RPS25: variants seen among roughly 807,000 people sequenced by gnomAD.
The protein encoded by RPS25 is ribosomal protein S25.
In RPS25, 1 loss-of-function variant was observed where a neutral mutation model predicts 14.4. The observed-to-expected ratio is 0.07, with a 90% CI of 0.02 to 0.33. The LOEUF is 0.33. Among genes scored for constraint, RPS25 ranks in the 10% least tolerant of loss-of-function variants. The pLI, the probability that RPS25 is intolerant of heterozygous loss-of-function variation, is 1.00. For synonymous variants in RPS25, 63 were observed against 53.8 expected, an observed-to-expected ratio of 1.17 and a Z score of -0.75; for missense variants, 65 against 144.6, an observed-to-expected ratio of 0.45 and a Z score of 2.82.
At chr11:119,016,257 A>T (rs1368018271) in intron 3 of RPS25, among the ~76,000 whole-genome samples, 1 of 152,070 alleles carries the variant, frequency 6.6e-6, no homozygotes, top group Non-Finnish European at 1.5e-5. Flanking sequence ...CCGCACTCCA[A>T]CCTGGGCAAC....
rs900768911 is a variant in RPS25 at position 119,015,762 on chromosome 11, T to TA, written c.*5-5dup. ...CCAAATGTACAGCTGGTTGGACCTG[T>TA]AAAAAAAAATTAAAAGAATCAGAAC... On this transcript the variant is annotated splice_polypyrimidine_tract_variant and splice_region_variant and intron_variant, in intron 4 of 4. Transcript: ENST00000527673. 1,008 of 1,262,656 alleles carry TA rather than the reference T, an allele frequency of 8.0e-4. 1 individual carries two copies. The highest frequency in any genetic ancestry group is 2.3e-3 in the South Asian group (180 of 78,748). The allele number at this position is 1,262,656 out of a possible 1,614,324, so 78.2% of individuals were successfully genotyped here.
chr11:119,016,341 G>A (rs1025530388), intron 3 of RPS25, among the ~76,000 whole-genome samples: 1 of 152,090 alleles, frequency 6.6e-6, no homozygotes. Flanking sequence ...ACTTTGGACA[G>A]GTGGATCTCT....
At chr11:119,018,175 C>T (rs1943212729) in intron 1 of RPS25, 107 bp downstream of exon 1, 23 of 1,583,228 alleles carry the variant, frequency 1.5e-5, no homozygotes, top group Non-Finnish European at 2.0e-5. Flanking sequence ...TAACCGCGCC[C>T]GCCCTGCAAC....
intron 3 of RPS25, among the ~76,000 whole-genome samples, chr11:119,016,567 G>T (rs576474092): frequency 1.1e-4 from 17 of 151,478 alleles, no homozygotes; most frequent in African/African-American, 4.1e-4. Context: ...TTCGGTAACC[G>T]AGAATCCTAG....
In RPS25 at chr11:119,015,773, T is replaced by C. The variant is rs992496073; in HGVS notation, c.*5-15A>G. 7.5e-6 allele frequency: 10 copies of C among 1,326,134 alleles called. No individual in the cohort carries two copies. The highest frequency in any genetic ancestry group is 3.9e-5 in the Admixed American group (2 of 51,072). The allele number at this position is 1,326,134 out of a possible 1,614,324, so 82.1% of individuals were successfully genotyped here. ...GCTGGTTGGACCTGTAAAAAAAAAT[T>C]AAAAGAATCAGAACCATAAAGCTTT... On this transcript the variant is annotated splice_polypyrimidine_tract_variant and intron_variant, in intron 4 of 4. Coordinates refer to ENST00000527673, the MANE Select transcript of RPS25 (RefSeq NM_001028.3).
chr11:119,016,307 G>C (rs1943154711), intron 3 of RPS25, among the ~76,000 whole-genome samples: 1 of 152,166 alleles, frequency 6.6e-6, no homozygotes. Flanking sequence ...GCCGGGTGCA[G>C]AGGCTCATGC....
chr11:119,015,805 A>G (rs920434572), intron 4 of RPS25, 36 bp downstream of exon 4: 11 of 1,409,114 alleles, frequency 7.8e-6, no homozygotes, highest in Non-Finnish European at 1.1e-5. Context: ...CTTTGTATCT[A>G]CCTCCTACAC....
chr11:119,018,324 T>C lies in RPS25; in HGVS notation c.-40A>G, dbSNP rs11820851. On this transcript the variant is annotated 5_prime_UTR_variant, in exon 1 of 5. Transcript: ENST00000527673. Reference sequence around the variant, plus strand: ...AATAGCAGCAGACACCGCAGCCTCGTCAAGATGTCGGACAAAAAGGAAGCG... The same window carrying C: ...AATAGCAGCAGACACCGCAGCCTCGCCAAGATGTCGGACAAAAAGGAAGCG... 2,771 of 1,614,006 alleles carry C rather than the reference T, an allele frequency of 1.7e-3. 45 individuals are homozygous for C. In the African/African-American group the frequency reaches 0.032, roughly 18 times the overall value.
In RPS25 at chr11:119,017,559, C is replaced by T. The variant is rs534688666; in HGVS notation, c.100-14G>A. ...TTTGGACCACTTCTGCTCACCAAAACAAAACAGAAACAAGTTAGTATTTCT... is the reference window on the plus strand; with the variant it reads ...TTTGGACCACTTCTGCTCACCAAAATAAAACAGAAACAAGTTAGTATTTCT... On this transcript the variant is annotated splice_polypyrimidine_tract_variant and intron_variant, in intron 2 of 4. Transcript: ENST00000527673. The T allele has an allele frequency of 8.0e-5, 129 of 1,608,522 alleles. No individual in the cohort carries two copies. The East Asian group carries it at 2.6e-3, about 33-fold the overall frequency.
At chr11:119,017,258 C>CT (rs368289484) in intron 3 of RPS25, 104 bp downstream of exon 3, 11,407 of 685,146 alleles carry the variant, frequency 0.017, 3 homozygotes, top group Middle Eastern at 0.023. Flanking sequence ...TCAAGCCACG[C>CT]TTTTTTTTTT....
Position 119,017,229 on chromosome 11 carries a change from C to T in RPS25, c.283+133G>A, listed in dbSNP as rs192293963. ...GATCAGGAGTAAGACGTCAGAATTA[C>T]ATTACTAACAGCCAATGGTCAAGCC... is the stretch of plus-strand genomic sequence containing the variant. On this transcript the variant is annotated intron_variant, in intron 3 of 4. Transcript: ENST00000527673. 527 of 638,376 alleles carry T rather than the reference C, an allele frequency of 8.3e-4. 2 individuals carry two copies. Among genetic ancestry groups the T allele is most frequent in the Middle Eastern group, 6.1e-3 (23 of 3,754 alleles). The allele number at this position is 638,376 out of a possible 1,614,324, so 39.5% of individuals were successfully genotyped here.
intron 3 of RPS25, among the ~76,000 whole-genome samples, chr11:119,016,824 A>G (rs1943171115): frequency 6.6e-6 from 1 of 151,750 alleles, no homozygotes; most frequent in South Asian, 2.1e-4. Flanking sequence ...TTTTCACCAT[A>G]TTGGCCAGGC....
At chr11:119,018,216 C>G in intron 1 of RPS25, 66 bp downstream of exon 1, 1 of 1,612,402 alleles carries the variant, frequency 6.2e-7, no homozygotes, top group Non-Finnish European at 8.5e-7. Context: ...GCGCTCCCGC[C>G]GAAGGCTCTC....
At chr11:119,018,083 G>C in intron 1 of RPS25, 30 bp from the exon 2 acceptor site, 1 of 1,602,938 alleles carries the variant, frequency 6.2e-7, no homozygotes, top group Non-Finnish European at 8.5e-7. Context: ...ATGCAACCAG[G>C]TCCTCAAATA....
At chr11:119,017,697 GT>G in intron 2 of RPS25, 152 bp from the exon 3 acceptor site, 2 of 806,278 alleles carry the variant, frequency 2.5e-6, no homozygotes, top group Non-Finnish European at 3.9e-6. Flanking sequence ...ACACCGACAC[GT>G]TTTTGGCCTT....
chr11:119,018,222 C>T, intron 1 of RPS25, 60 bp downstream of exon 1: 1 of 1,613,022 alleles, frequency 6.2e-7, no homozygotes, highest in Non-Finnish European at 8.5e-7. Flanking sequence ...CCGCCGAAGG[C>T]TCTCCCCACT....
At chr11:119,017,687 A>C in intron 2 of RPS25, 142 bp from the exon 3 acceptor site, 1 of 850,956 alleles carries the variant, frequency 1.2e-6, no homozygotes, top group Non-Finnish European at 1.8e-6. Flanking sequence ...CAAAAAAAAA[A>C]CACCGACACG....
At position 119,015,849 on chromosome 11, in the gene RPS25, G is replaced by C. The variant is rs1325782306; in HGVS notation, c.374C>G (p.Ala125Gly). ...GGDAPAAGED[A>G] is the part of the protein sequence containing the mutation. ...CACACATTCCTACTCACCTATTCAT[G>C]CATCTTCACCAGCAGCTGGAGCATC... The change falls in exon 4 of 5, where the codon GCA becomes GGA. Residue 125 changes from alanine to glycine, a missense_variant. Coordinates refer to ENST00000527673, the MANE Select transcript of RPS25 (RefSeq NM_001028.3). 1.9e-6 allele frequency: 3 copies of C among 1,588,974 alleles called. No individual in the cohort carries two copies. Among genetic ancestry groups the C allele is most frequent in the South Asian group, 1.1e-5 (1 of 90,538 alleles).
At chr11:119,017,800 C>T (rs976210610) in intron 2 of RPS25, 158 bp downstream of exon 2, 3 of 698,474 alleles carry the variant, frequency 4.3e-6, no homozygotes, top group African/African-American at 1.8e-5. Flanking sequence ...TTTCATGATC[C>T]TAATGGGAAA....
Sources: allele counts gnomAD v4.1 joint callset (sites outside exome capture counted in the v4.1 genomes callset), GRCh38; gene constraint gnomAD v4.1.1; transcripts MANE v1.5; gene names NCBI Gene and HGNC (gene_info 2026-07-23, HGNC 2026-07-21).